The following ADGRL3 variants were observed in gnomAD, a reference collection of about 807,000 sequenced individuals.
The protein encoded by ADGRL3 is calcium-independent alpha-latrotoxin receptor 3.
ADGRL3 carries 62 observed loss-of-function variants against 153.5 expected under a neutral mutation model. The observed-to-expected ratio is 0.40, with a 90% CI of 0.33 to 0.50. The LOEUF (loss-of-function observed/expected upper bound fraction) is 0.50, where lower values mean the gene tolerates loss of function less well. ADGRL3 is among the 20% of genes least tolerant of loss of function. The probability of loss-of-function intolerance (pLI) is 0.47; values close to 1 mark genes in which losing one functional copy is unlikely to be tolerated. For missense variants in ADGRL3, 1,641 were observed against 1,859.4 expected (o/e 0.88, Z 2.16); for synonymous variants, 710 against 672.5 (o/e 1.06, Z -0.86).
chr4:61,461,854 T>C (rs559086280), intron 2 of ADGRL3, among the ~76,000 whole-genome samples: 1 of 152,304 alleles, frequency 6.6e-6, no homozygotes, highest in South Asian at 2.1e-4. Flanking sequence ...CCATGCCTCT[T>C]AGCTGGAATG....
intron 5 of ADGRL3, among the ~76,000 whole-genome samples, chr4:61,664,175 T>C (rs1377015302): frequency 6.6e-6 from 1 of 152,168 alleles, no homozygotes; most frequent in Non-Finnish European, 1.5e-5. Context: ...AGATATGTAG[T>C]AAATATATGA....
In ADGRL3 at chr4:61,448,545, A is replaced by G. The variant is rs2097617699; in HGVS notation, c.-173-48576A>G. 3.9e-5 allele frequency among the ~76,000 whole-genome samples: 6 copies of G among 152,274 alleles called. 1 individual carries two copies. Among genetic ancestry groups the G allele is most frequent in the Non-Finnish European group, 1.5e-5 (1 of 68,018 alleles). ...AAGTTATTGTGATGTTTAAATGGCA[A>G]CATGTATGTAAAGTGCTTGGAACAC... On this transcript the variant is annotated intron_variant, in intron 2 of 26. Coordinates refer to ENST00000683033, the MANE Select transcript of ADGRL3 (RefSeq NM_001387552.1).
chr4:61,378,978 C>A (rs112541580), intron 1 of ADGRL3, among the ~76,000 whole-genome samples: 24 of 151,708 alleles, frequency 1.6e-4, no homozygotes, highest in African/African-American at 5.3e-4. Context: ...TGGTAATATT[C>A]GTGAATTATA....
chr4:61,800,545 G>A (rs1042233210), intron 8 of ADGRL3, among the ~76,000 whole-genome samples: 2 of 152,122 alleles, frequency 1.3e-5, no homozygotes, highest in African/African-American at 4.8e-5. Context: ...TACTATCAAT[G>A]ATGTTCCTAA....
At chr4:61,659,131 C>T (rs1157792922) in intron 5 of ADGRL3, among the ~76,000 whole-genome samples, 1 of 152,136 alleles carries the variant, frequency 6.6e-6, no homozygotes, top group Non-Finnish European at 1.5e-5. Context: ...GTCTCTGTAT[C>T]TGCATCCAAA....
intron 5 of ADGRL3, among the ~76,000 whole-genome samples, chr4:61,595,027 G>A (rs186395264): frequency 3.9e-5 from 6 of 152,088 alleles, no homozygotes; most frequent in African/African-American, 1.4e-4. Context: ...CTCAGCTTGT[G>A]TGAATGTTGC....
chr4:61,696,626 A>G (rs913154519), intron 6 of ADGRL3, among the ~76,000 whole-genome samples: 1 of 144,798 alleles, frequency 6.9e-6, no homozygotes, highest in Non-Finnish European at 1.5e-5. Context: ...TGCCTTCTAT[A>G]TGTATGATAG....
chr4:61,235,320 G>A (rs116518337), intron 1 of ADGRL3, among the ~76,000 whole-genome samples: 2,532 of 152,278 alleles, frequency 0.017, 74 homozygotes, highest in African/African-American at 0.051. Flanking sequence ...AGAACTAGTT[G>A]ATTGCTAATT....
chr4:61,461,836 T>TAATC (rs1347029784), intron 2 of ADGRL3, among the ~76,000 whole-genome samples: 5 of 152,074 alleles, frequency 3.3e-5, no homozygotes, highest in Non-Finnish European at 7.4e-5. Flanking sequence ...TTACAGCCAG[T>TAATC]TTCAGTCCCA....
intron 8 of ADGRL3, among the ~76,000 whole-genome samples, chr4:61,763,236 G>GA (rs2096934260): frequency 6.8e-6 from 1 of 146,274 alleles, no homozygotes; most frequent in African/African-American, 2.6e-5. Context: ...CACCCAGGCT[G>GA]GAGTGCAGTG....
chr4:61,744,457 G>A (rs1210554047), intron 8 of ADGRL3, among the ~76,000 whole-genome samples: 2 of 152,068 alleles, frequency 1.3e-5, no homozygotes, highest in East Asian at 1.9e-4. Flanking sequence ...TAACTGGGAG[G>A]CACCCCCCAG....
chr4:61,428,527 A>T (rs1471847594), intron 2 of ADGRL3, among the ~76,000 whole-genome samples: 1 of 152,212 alleles, frequency 6.6e-6, no homozygotes, highest in Non-Finnish European at 1.5e-5. Flanking sequence ...GTGCCAGAAA[A>T]TTAGTTTATA....
chr4:61,458,122 T>C (rs2097773532), intron 2 of ADGRL3, among the ~76,000 whole-genome samples: 1 of 151,930 alleles, frequency 6.6e-6, no homozygotes, highest in South Asian at 2.1e-4. Flanking sequence ...TCTTTCCTTG[T>C]TTTAATATGT....
intron 4 of ADGRL3, among the ~76,000 whole-genome samples, chr4:61,579,783 A>C (rs763985480): frequency 6.6e-6 from 1 of 152,066 alleles, no homozygotes; most frequent in African/African-American, 2.4e-5. Context: ...ACTTTGTTAC[A>C]CTTAGTTAAA....
chr4:61,458,389 A>C (rs1162440598), intron 2 of ADGRL3, among the ~76,000 whole-genome samples: 1 of 151,320 alleles, frequency 6.6e-6, no homozygotes, highest in East Asian at 1.9e-4. Flanking sequence ...TTTATTAATA[A>C]TTATTTGATG....
At chr4:61,936,621 TA>T (rs1352407566) in intron 15 of ADGRL3, among the ~76,000 whole-genome samples, 3 of 152,010 alleles carry the variant, frequency 2.0e-5, no homozygotes, top group Non-Finnish European at 4.4e-5. Flanking sequence ...TCACTAATAT[TA>T]AAAAATGTTT....
intron 5 of ADGRL3, among the ~76,000 whole-genome samples, chr4:61,632,522 G>A (rs1444902849): frequency 1.3e-5 from 2 of 152,104 alleles, no homozygotes; most frequent in African/African-American, 2.4e-5. Context: ...GCCTTTAGAT[G>A]TACAGTCTGG....
At chr4:61,834,185 C>T (rs940068438) in intron 9 of ADGRL3, among the ~76,000 whole-genome samples, 13 of 139,640 alleles carry the variant, frequency 9.3e-5, no homozygotes, top group African/African-American at 3.4e-4. Flanking sequence ...TTGTTCAATT[C>T]CCACCTATGA....
chr4:61,700,307 T>A lies in ADGRL3; in HGVS notation c.583+23372T>A, dbSNP rs1010147866. 3.9e-3 allele frequency among the ~76,000 whole-genome samples: 9 copies of A among 2,312 alleles called. 1 individual carries two copies. The Admixed American group carries it at 0.092, about 24-fold the overall frequency. The allele number at this position is 2,312 out of a possible 152,430, so 1.5% of individuals were successfully genotyped here. On this transcript the variant is annotated intron_variant, in intron 6 of 26. Transcript: ENST00000683033. ...TTGCCCTAAGTTTCACAATATAGAA[T>A]ATGAAAAAAAATTTAATTCAACTAG...
Sources: allele counts gnomAD v4.1 joint callset (sites outside exome capture counted in the v4.1 genomes callset), GRCh38; gene constraint gnomAD v4.1.1; transcripts MANE v1.5; gene names NCBI Gene and HGNC (gene_info 2026-07-23, HGNC 2026-07-21).